The following TRDN variants were observed in gnomAD, a reference collection of about 807,000 sequenced individuals.
The protein encoded by TRDN is triadin, also known as triadin in skeletal muscle.
TRDN carries 161 observed loss-of-function variants against 149.7 expected under a neutral mutation model. The ratio of observed to expected loss-of-function variants is 1.08; its 90% CI spans 0.95 to 1.23. The LOEUF is 1.23. Among genes scored for constraint, TRDN ranks in the 50% most tolerant of loss-of-function variants. TRDN has a pLI of 0.00. For synonymous variants in TRDN, 294 were observed against 250.5 expected (o/e 1.17, Z -1.64); for missense variants, 896 against 823.5 (o/e 1.09, Z -1.08).
In TRDN at chr6:123,525,418, C is replaced by T. The variant is rs149943355; in HGVS notation, c.484+5088G>A. On this transcript the variant is annotated intron_variant, in intron 5 of 40. Coordinates refer to ENST00000334268, the MANE Select transcript of TRDN (RefSeq NM_006073.4). ...GTCCTCTGCAGCAACATGGATAGAG[C>T]GGGAGGCCATTATCCTAAGTGAACT... is the stretch of plus-strand genomic sequence containing the variant. Among the ~76,000 whole-genome samples the T allele has an allele frequency of 6.3e-3, 959 of 152,028 alleles. 6 individuals are homozygous for T. Among genetic ancestry groups the T allele is most frequent in the Middle Eastern group, 0.027 (8 of 294 alleles).
chr6:123,299,728 G>T (rs910911352), intron 24 of TRDN, among the ~76,000 whole-genome samples: 7 of 151,418 alleles, frequency 4.6e-5, no homozygotes, highest in Non-Finnish European at 1.0e-4. Context: ...CCACTAAATG[G>T]GAAAGTAGAA....
chr6:123,384,283 T>A (rs1165543812), intron 14 of TRDN, among the ~76,000 whole-genome samples: 1 of 152,172 alleles, frequency 6.6e-6, no homozygotes, highest in Non-Finnish European at 1.5e-5. Flanking sequence ...TAGTTCAATG[T>A]CCGTTTTAAG....
At chr6:123,451,120 T>G (rs1031323783) in intron 10 of TRDN, among the ~76,000 whole-genome samples, 1 of 152,112 alleles carries the variant, frequency 6.6e-6, no homozygotes, top group African/African-American at 2.4e-5. Flanking sequence ...GGAAAGTTCA[T>G]GGCCCTAAAT....
chr6:123,592,129 T>C (rs893774056), intron 1 of TRDN, among the ~76,000 whole-genome samples: 4 of 152,176 alleles, frequency 2.6e-5, no homozygotes, highest in African/African-American at 9.7e-5. Context: ...GGTCTTAAAA[T>C]TTTTGTGAGG....
At chr6:123,270,937 TA>T (rs1409580049) in intron 30 of TRDN, among the ~76,000 whole-genome samples, 17 of 152,160 alleles carry the variant, frequency 1.1e-4, no homozygotes, top group Non-Finnish European at 1.8e-4. Flanking sequence ...CTCTAGCTAT[TA>T]TTTTTTAACA....
At chr6:123,567,657 C>G (rs1782361591) in intron 2 of TRDN, among the ~76,000 whole-genome samples, 1 of 151,986 alleles carries the variant, frequency 6.6e-6, no homozygotes, top group Admixed American at 6.6e-5. Context: ...AGGTGCCACA[C>G]ACTTAAAAAA....
chr6:123,558,963 T>C (rs1364092642), intron 2 of TRDN, among the ~76,000 whole-genome samples: 1 of 152,222 alleles, frequency 6.6e-6, no homozygotes, highest in African/African-American at 2.4e-5. Flanking sequence ...TAGCCCAGGA[T>C]TCCTCCTAAG....
intron 24 of TRDN, among the ~76,000 whole-genome samples, chr6:123,297,009 G>A (rs1778228361): frequency 6.6e-6 from 1 of 152,066 alleles, no homozygotes; most frequent in African/African-American, 2.4e-5. Flanking sequence ...ATTTTTAAAA[G>A]CAGCAATAAT....
intron 1 of TRDN, among the ~76,000 whole-genome samples, chr6:123,583,121 CA>C (rs1197014470): frequency 7.0e-6 from 1 of 143,110 alleles, no homozygotes; most frequent in Non-Finnish European, 1.6e-5. Flanking sequence ...GTCCTGCCAG[CA>C]AAGATTATTT....
chr6:123,457,456 C>A, intron 10 of TRDN: 1 of 339,628 alleles, frequency 2.9e-6, no homozygotes, highest in Non-Finnish European at 5.6e-6. Context: ...ACCAATATAA[C>A]AAAAGAAGAA....
intron 24 of TRDN, among the ~76,000 whole-genome samples, chr6:123,298,878 G>T (rs570055305): frequency 6.6e-6 from 1 of 151,982 alleles, no homozygotes; most frequent in Non-Finnish European, 1.5e-5. Context: ...ATCTAGCTTT[G>T]GGATATGTGA....
chr6:123,585,562 G>T (rs995942241), intron 1 of TRDN, among the ~76,000 whole-genome samples: 1 of 152,178 alleles, frequency 6.6e-6, no homozygotes, highest in Non-Finnish European at 1.5e-5. Flanking sequence ...GTCTTCAGCC[G>T]CTAAGCCAAG....
chr6:123,612,424 A>T (rs539069699), intron 1 of TRDN, among the ~76,000 whole-genome samples: 21 of 152,152 alleles, frequency 1.4e-4, no homozygotes, highest in South Asian at 8.3e-4. Context: ...ATAAAATTTT[A>T]AAAAAAGGAA....
At chr6:123,540,652 G>A (rs967432300) in intron 4 of TRDN, among the ~76,000 whole-genome samples, 2 of 152,122 alleles carry the variant, frequency 1.3e-5, no homozygotes, top group African/African-American at 4.8e-5. Context: ...CCGAGTAGCT[G>A]GGACTACAAG....
At chr6:123,365,314 G>A (rs1781051446) in intron 20 of TRDN, among the ~76,000 whole-genome samples, 1 of 151,424 alleles carries the variant, frequency 6.6e-6, no homozygotes, top group Non-Finnish European at 1.5e-5. Flanking sequence ...TTAATTTATA[G>A]AGTAGCTAAC....
At chr6:123,226,233 A>G (rs1775359178) in intron 38 of TRDN, among the ~76,000 whole-genome samples, 1 of 151,840 alleles carries the variant, frequency 6.6e-6, no homozygotes, top group Non-Finnish European at 1.5e-5. Context: ...ATGAAACAGT[A>G]CAAACTGTTA....
intron 38 of TRDN, among the ~76,000 whole-genome samples, chr6:123,249,099 A>C (rs1776286420): frequency 6.6e-6 from 1 of 152,176 alleles, no homozygotes; most frequent in African/African-American, 2.4e-5. Flanking sequence ...TCACATCAAC[A>C]GATTGAAGGA....
At chr6:123,585,804 G>A (rs917426531) in intron 1 of TRDN, among the ~76,000 whole-genome samples, 1 of 152,116 alleles carries the variant, frequency 6.6e-6, no homozygotes, top group Non-Finnish European at 1.5e-5. Flanking sequence ...CTGTGGTTCA[G>A]GCATTTGGAA....
intron 24 of TRDN, among the ~76,000 whole-genome samples, chr6:123,312,256 C>A (rs987664629): frequency 3.3e-5 from 5 of 151,898 alleles, no homozygotes; most frequent in Admixed American, 6.6e-5. Flanking sequence ...ACCATGCATT[C>A]TGTAAAGTTA....
Sources: gnomAD v4.1 joint callset for allele counts (sites outside exome capture counted in the v4.1 genomes callset) on GRCh38, gnomAD v4.1.1 for gene constraint, MANE v1.5 for transcripts, NCBI Gene and HGNC (gene_info 2026-07-23, HGNC 2026-07-21) for gene names.